Variants in CLEC4F observed in about 807,000 individuals in gnomAD.
CLEC4F encodes the protein C-type (calcium dependent, carbohydrate-recognition domain) lectin, superfamily member 13.
Under a neutral mutation model 53.4 loss-of-function variants are expected in CLEC4F, and 45 were observed. The observed-to-expected ratio is 0.84, with a 90% CI of 0.66 to 1.08. The LOEUF is 1.08. Ranked by LOEUF, CLEC4F falls within the 50% of genes least tolerant of loss-of-function variation. CLEC4F has a pLI of 0.00. For missense variants in CLEC4F, 753 were observed against 698.2 expected (o/e 1.08, Z -0.88); for synonymous variants, 245 against 257.5 (o/e 0.95, Z 0.46).
Position 70,809,305 on chromosome 2 carries a change from T to A in CLEC4F, c.1736A>T (p.Asp579Val). The A allele has an allele frequency of 1.2e-6, 2 of 1,613,882 alleles. No homozygotes were observed. Among genetic ancestry groups the A allele is most frequent in the Non-Finnish European group, 1.7e-6 (2 of 1,179,948 alleles). ...NSGMGACSFI[D>V]TPPCPWILSN ...GAGGATCCAGGGACAGGGAGGGGTG[T>A]CTATGAAGCTGCAAGCTCCCATCCC... Residue 579 changes from aspartate (D) to valine (V), a missense_variant, in exon 7 of 7, where the codon GAC becomes GTC. Physicochemically the swap from Asp to Val is radical, Grantham distance 152. Coordinates refer to ENST00000272367, the MANE Select transcript of CLEC4F (RefSeq NM_173535.3).
intron 4 of CLEC4F, among the ~76,000 whole-genome samples, chr2:70,814,536 T>C (rs1400468220): frequency 1.3e-5 from 2 of 152,250 alleles, no homozygotes; most frequent in East Asian, 3.8e-4. Context: ...CTGGGGGTTC[T>C]GATGCCCAGA....
chr2:70,809,771 A>C lies in CLEC4F; in HGVS notation c.1626T>G (p.Asp542Glu). ...TCTGGGCGGCGTTGAATGGTGTCCC[A>C]TCTGTCCAGCGCCAGGAGCCCTCTG... The part of the protein sequence containing the change: ...RGTEGSWRWT[D>E]GTPFNAAQNK... Residue 542 changes from aspartate to glutamate, a missense_variant, in exon 6 of 7, where the codon GAT (aspartate) becomes GAG (glutamate). Coordinates refer to ENST00000272367, the MANE Select transcript of CLEC4F (RefSeq NM_173535.3). The C allele has an allele frequency of 6.2e-7, 1 of 1,614,106 alleles. No individual in the cohort carries two copies. The highest frequency in any genetic ancestry group is 8.5e-7 in the Non-Finnish European group (1 of 1,179,960).
In CLEC4F at chr2:70,815,918, A is replaced by T. The variant is rs184644386; in HGVS notation, c.1387+76T>A. The T allele has an allele frequency of 1.7e-4, 252 of 1,450,576 alleles. 1 individual carries two copies. The Admixed American group carries it at 5.5e-3, about 32-fold the overall frequency. 89.9% of individuals were successfully genotyped at this position (1,450,576 alleles called of 1,614,324 possible). A position where few individuals can be genotyped will look rare whatever the true frequency, so the allele number is the denominator to read the frequency against. On this transcript the variant is annotated intron_variant, in intron 4 of 6. Transcript: ENST00000272367. ...GGAGATGCATGTTGCAGTAAAAAAG[A>T]GGCTGATGAGATGGAAGACTCTACC...
Position 70,815,812 on chromosome 2 carries a change from C to T in CLEC4F, c.1387+182G>A, listed in dbSNP as rs375963358. The stretch of plus-strand genomic sequence containing the variant: ...GTCACCGTGACCAGGTTATAAGCAA[C>T]TTGAGAGCAGGAACTTCCCACCTCA... On this transcript the variant is annotated intron_variant, in intron 4 of 6. Coordinates refer to ENST00000272367, the MANE Select transcript of CLEC4F (RefSeq NM_173535.3). Among the ~76,000 whole-genome samples the T allele has an allele frequency of 7.9e-5, 12 of 152,320 alleles. 1 individual carries two copies. The East Asian group carries it at 1.4e-3, about 17-fold the overall frequency.
chr2:70,812,749 G>T (rs530467137), intron 4 of CLEC4F, 151 bp from the exon 5 acceptor site: 2 of 784,610 alleles, frequency 2.5e-6, no homozygotes, highest in East Asian at 5.1e-5. Context: ...GGCCTGGGGG[G>T]CTGCACTGCC....
chr2:70,813,597 C>CTTTCTCTTTCTTTCTTTCTTTCTTTCTT (rs1553394931), intron 4 of CLEC4F, among the ~76,000 whole-genome samples: 1 of 106,224 alleles, frequency 9.4e-6, no homozygotes, highest in Non-Finnish European at 1.9e-5. Flanking sequence ...CTCTTTCTTT[C>CTTTCTCTTTCTTTCTTTCTTTCTTTCTT]TCTTTCTTTC....
chr2:70,822,775 C>G (rs1553398290), upstream of CLEC4F, among the ~76,000 whole-genome samples: 2 of 152,232 alleles, frequency 1.3e-5, no homozygotes, highest in African/African-American at 4.8e-5. Context: ...AAACTCACAA[C>G]CTTGCAAATG....
intron 3 of CLEC4F, among the ~76,000 whole-genome samples, chr2:70,818,269 A>AC (rs1287526441): frequency 2.0e-5 from 3 of 152,212 alleles, no homozygotes; most frequent in Non-Finnish European, 2.9e-5. Flanking sequence ...ACGGAAGTAG[A>AC]CCCCCACACA....
rs1385748950 is a variant in CLEC4F, at chr2:70,816,182, G to A, written c.1199C>T (p.Ala400Val). ...CTGGGTCTGGGAAGTTAAGGCTGAAGCATTCTTCATTCCTTGTTTTAGGGT... is the reference window on the plus strand; with the variant it reads ...CTGGGTCTGGGAAGTTAAGGCTGAAACATTCTTCATTCCTTGTTTTAGGGT... The part of the protein sequence containing the change: ...IQTLKQGMKN[A>V]SALTSQTQML... The change falls in exon 4 of 7, where the codon GCT becomes GTT. Residue 400 changes from alanine to valine, a missense_variant. By Grantham distance (64) the Ala-to-Val change is moderately conservative. Coordinates refer to ENST00000272367, the MANE Select transcript of CLEC4F (RefSeq NM_173535.3). 9.3e-6 allele frequency: 15 copies of A among 1,614,094 alleles called. No individual in the cohort carries two copies. The highest frequency in any genetic ancestry group is 8.5e-6 in the Non-Finnish European group (10 of 1,180,042).
At position 70,813,842 on chromosome 2, in the gene CLEC4F, A is replaced by AT. The variant is rs61623269; in HGVS notation, c.1388-1245dup. 4.1e-3 allele frequency among the ~76,000 whole-genome samples: 614 copies of AT among 151,364 alleles called. 6 individuals carry two copies. The highest frequency in any genetic ancestry group is 0.033 in the East Asian group (170 of 5,124). On this transcript the variant is annotated intron_variant, in intron 4 of 6. Transcript: ENST00000272367. ...CAGGTGCCCGCCACCATGCCCGGAT[A>AT]TTTTTTTTGTATTTTTAGTAGAGAT... is the stretch of plus-strand genomic sequence containing the variant.
intron 5 of CLEC4F, among the ~76,000 whole-genome samples, chr2:70,810,642 G>A (rs1378879271): frequency 7.5e-3 from 644 of 85,642 alleles, no homozygotes; most frequent in African/African-American, 0.017. Flanking sequence ...AAAAAAAAAA[G>A]TATTTCCCAT....
chr2:70,822,134 C>A (rs542979770), upstream of CLEC4F, among the ~76,000 whole-genome samples: 8 of 152,120 alleles, frequency 5.3e-5, no homozygotes, highest in Non-Finnish European at 1.2e-4. Flanking sequence ...TGAAGGGGGG[C>A]AGTCTTGTGG....
At chr2:70,813,597 CTCTTTCTTTCTTTCTT>C (rs370418600) in intron 4 of CLEC4F, among the ~76,000 whole-genome samples, 322 of 106,272 alleles carry the variant, frequency 3.0e-3, no homozygotes, top group Non-Finnish European at 4.9e-3. Context: ...CTCTTTCTTT[CTCTTTCTTTCTTTCTT>C]TCTTTCTTTC....
At chr2:70,812,640 G>T in intron 4 of CLEC4F, 42 bp from the exon 5 acceptor site, 1 of 1,606,404 alleles carries the variant, frequency 6.2e-7, no homozygotes, top group South Asian at 1.1e-5. Flanking sequence ...AGGAGCTGCT[G>T]GTAGGAGTCC....
chr2:70,819,718 G>T (rs1002945888), intron 2 of CLEC4F, 57 bp downstream of exon 2: 1 of 1,306,902 alleles, frequency 7.7e-7, no homozygotes, highest in Non-Finnish European at 1.1e-6. Flanking sequence ...GGGCCCCTGG[G>T]GACTTTGTGC....
At chr2:70,813,614 T>TCTGTCTTTCTTTCTTTCTTC (rs1676721169) in intron 4 of CLEC4F, among the ~76,000 whole-genome samples, 2 of 141,774 alleles carry the variant, frequency 1.4e-5, no homozygotes, top group African/African-American at 5.8e-5. Flanking sequence ...TTTCTTTCTT[T>TCTGTCTTTCTTTCTTTCTTC]CTTTCTTTCT....
intron 5 of CLEC4F, chr2:70,810,962 A>G: frequency 1.8e-6 from 1 of 560,254 alleles, no homozygotes; most frequent in Non-Finnish European, 3.5e-6. Context: ...CAATGATGAA[A>G]ATAAACATGT....
intron 3 of CLEC4F, among the ~76,000 whole-genome samples, chr2:70,817,424 C>T (rs1179312621): frequency 2.0e-5 from 3 of 152,134 alleles, no homozygotes; most frequent in African/African-American, 7.2e-5. Context: ...ATTATTTTGT[C>T]GTTATAATTG....
chr2:70,824,479 G>A (rs552115327), upstream of CLEC4F, among the ~76,000 whole-genome samples: 3 of 151,886 alleles, frequency 2.0e-5, no homozygotes, highest in Admixed American at 6.6e-5. Flanking sequence ...CAGCCCCCAG[G>A]TTTTGATTTC....
Sources: gnomAD v4.1 joint callset for allele counts (sites outside exome capture counted in the v4.1 genomes callset) on GRCh38, gnomAD v4.1.1 for gene constraint, MANE v1.5 for transcripts, NCBI Gene and HGNC (gene_info 2026-07-23, HGNC 2026-07-21) for gene names.